Variants in TENM2 observed in about 807,000 individuals in gnomAD.
TENM2 encodes teneurin transmembrane protein 2.
Under a neutral mutation model 245.2 loss-of-function variants are expected in TENM2, and 52 were observed. That is an observed-to-expected ratio of 0.21 (90% CI 0.17 to 0.27). TENM2 has a LOEUF of 0.27. Among genes scored for constraint, TENM2 ranks in the 10% least tolerant of loss-of-function variants. TENM2 has a pLI of 1.00. For synonymous variants in TENM2, 1,363 were observed against 1,438.9 expected, an observed-to-expected ratio of 0.95 and a Z score of 1.19; for missense variants, 3,046 against 3,666.8, an observed-to-expected ratio of 0.83 and a Z score of 4.37.
chr5:167,156,812 AC>A, the TENM2 span, among the ~76,000 whole-genome samples: 1 of 152,192 alleles, frequency 6.6e-6, no homozygotes, highest in South Asian at 2.1e-4. Flanking sequence ...TGCCCAGACT[AC>A]CAGAAGTTTG....
chr5:168,148,169 A>G (rs866814282), intron 12 of TENM2, among the ~76,000 whole-genome samples: 1 of 152,202 alleles, frequency 6.6e-6, no homozygotes, highest in Non-Finnish European at 1.5e-5. Context: ...TCAATTATCC[A>G]TTTAGCTAGA....
rs76869351 is a variant in TENM2, at chr5:167,916,406, C to T, written c.713-36182C>T. On this transcript the variant is annotated intron_variant, in intron 3 of 28. Transcript: ENST00000518659. ...GGTTGGTGAAAAATTTAAATCAGAT[C>T]GGTGAGAAGCAGCAATCTTCATCTC... Among the ~76,000 whole-genome samples, 1,259 of 152,008 alleles carry T rather than the reference C, an allele frequency of 8.3e-3. 15 individuals are homozygous for T. The highest frequency in any genetic ancestry group is 0.028 in the African/African-American group (1,176 of 41,406).
chr5:167,137,135 A>G, the TENM2 span, among the ~76,000 whole-genome samples: 2 of 152,124 alleles, frequency 1.3e-5, no homozygotes, highest in Non-Finnish European at 2.9e-5. Flanking sequence ...TTAGGGTTCT[A>G]CCAACATGAC....
At chr5:167,698,443 C>T (rs1362767624) in intron 2 of TENM2, among the ~76,000 whole-genome samples, 1 of 152,164 alleles carries the variant, frequency 6.6e-6, no homozygotes, top group Non-Finnish European at 1.5e-5. Flanking sequence ...AGAACACTGT[C>T]ATCCATAATG....
intron 7 of TENM2, among the ~76,000 whole-genome samples, chr5:168,063,807 A>G (rs1436708544): frequency 6.6e-6 from 1 of 152,148 alleles, no homozygotes; most frequent in Non-Finnish European, 1.5e-5. Context: ...CTGATTTGCA[A>G]TCCCATCTTT....
chr5:168,052,450 AT>A (rs1789185213), intron 6 of TENM2, among the ~76,000 whole-genome samples: 1 of 152,028 alleles, frequency 6.6e-6, no homozygotes, highest in South Asian at 2.1e-4. Context: ...GTATATATAT[AT>A]ATACACACAC....
intron 7 of TENM2, among the ~76,000 whole-genome samples, chr5:168,075,264 T>A (rs247985): frequency 0.22 from 33,672 of 152,138 alleles, 4,563 homozygotes; most frequent in African/African-American, 0.38. Context: ...AATGTCGTTA[T>A]TTCATTCCTT....
chr5:167,916,711 G>A (rs1319847675), intron 3 of TENM2, among the ~76,000 whole-genome samples: 2 of 152,106 alleles, frequency 1.3e-5, no homozygotes, highest in African/African-American at 4.8e-5. Flanking sequence ...TGAGAGGAAG[G>A]GAGGGAGGCC....
chr5:167,190,039 G>A, the TENM2 span, among the ~76,000 whole-genome samples: 1 of 151,952 alleles, frequency 6.6e-6, no homozygotes, highest in African/African-American at 2.4e-5. Context: ...ATTCTTCAAA[G>A]CAAGCTGGCT....
chr5:167,915,440 C>T (rs986066054), intron 3 of TENM2, among the ~76,000 whole-genome samples: 2 of 152,136 alleles, frequency 1.3e-5, no homozygotes, highest in Non-Finnish European at 2.9e-5. Context: ...CCCTCCTGTT[C>T]GCTAAAATTT....
intron 4 of TENM2, among the ~76,000 whole-genome samples, chr5:167,953,211 G>A (rs911668035): frequency 6.6e-6 from 1 of 152,164 alleles, no homozygotes; most frequent in Non-Finnish European, 1.5e-5. Flanking sequence ...TTGAAATTAA[G>A]TGTTTGGGGA....
rs371670653 is a variant in TENM2, at chr5:168,246,711, C to T, written c.5818-46C>T. On this transcript the variant is annotated intron_variant, in intron 26 of 28. Transcript: ENST00000518659. ...AATTCTGTCTGTTTGAATGCTTGGT[C>T]CTCAAAAGCCAACTGATATGTTCTG... The T allele has an allele frequency of 2.9e-5, 46 of 1,566,762 alleles. No homozygotes were observed. The South Asian group carries it at 4.3e-4, about 15-fold the overall frequency.
chr5:168,212,125 C>T (rs576710761), intron 20 of TENM2, among the ~76,000 whole-genome samples: 5 of 151,376 alleles, frequency 3.3e-5, no homozygotes, highest in Admixed American at 6.6e-5. Context: ...GAACTGGAAA[C>T]GGGTTAAAAA....
intron 2 of TENM2, among the ~76,000 whole-genome samples, chr5:167,681,932 ATG>A (rs143123775): frequency 5.3e-5 from 8 of 151,624 alleles, no homozygotes; most frequent in African/African-American, 1.5e-4. Flanking sequence ...ACTCTTAGGC[ATG>A]TGTGTGTGTG....
the TENM2 span, among the ~76,000 whole-genome samples, chr5:167,036,206 C>T: frequency 6.6e-6 from 1 of 152,140 alleles, no homozygotes; most frequent in East Asian, 1.9e-4. Flanking sequence ...AGGAGGAATT[C>T]TAGGCCAAGA....
chr5:167,129,337 T>A, the TENM2 span, among the ~76,000 whole-genome samples: 3 of 152,102 alleles, frequency 2.0e-5, no homozygotes, highest in African/African-American at 7.2e-5. Context: ...ACTCCCAGAA[T>A]CCTAATTCCC....
intron 8 of TENM2, among the ~76,000 whole-genome samples, chr5:168,091,809 C>T (rs1004773249): frequency 6.6e-6 from 1 of 152,200 alleles, no homozygotes; most frequent in African/African-American, 2.4e-5. Context: ...CACAGGGTGG[C>T]TTCTTGAAGA....
chr5:168,220,589 A>G (rs775096269), intron 23 of TENM2, among the ~76,000 whole-genome samples: 67 of 152,134 alleles, frequency 4.4e-4, no homozygotes, highest in Non-Finnish European at 8.4e-4. Context: ...GTGGGGTTCA[A>G]ATGTATAGGG....
At chr5:167,169,176 C>T in the TENM2 span, among the ~76,000 whole-genome samples, 490 of 152,210 alleles carry the variant, frequency 3.2e-3, 3 homozygotes, top group African/African-American at 0.011. Flanking sequence ...TTGGTGCTTC[C>T]TCTGGTGGCA....
Sources: gnomAD v4.1 joint callset for allele counts (sites outside exome capture counted in the v4.1 genomes callset) on GRCh38, gnomAD v4.1.1 for gene constraint, MANE v1.5 for transcripts, NCBI Gene and HGNC (gene_info 2026-07-23, HGNC 2026-07-21) for gene names.